The following EHD2 variants were observed in gnomAD, a reference collection of about 807,000 sequenced individuals.
The protein encoded by EHD2 is EH domain-containing protein 2.
A neutral mutation model predicts 41.0 loss-of-function variants in EHD2; 27 were observed. The ratio of observed to expected loss-of-function variants is 0.66; its 90% CI spans 0.49 to 0.91. EHD2 has a LOEUF of 0.91. Ranked by LOEUF, EHD2 falls within the 40% of genes least tolerant of loss-of-function variation. The pLI, the probability that EHD2 is intolerant of heterozygous loss-of-function variation, is 0.00. For missense variants in EHD2, 673 were observed against 773.9 expected (o/e 0.87, Z 1.55); for synonymous variants, 342 against 341.0 (o/e 1.00, Z -0.03).
intron 4 of EHD2, among the ~76,000 whole-genome samples, chr19:47,733,445 G>A (rs112699178): frequency 0.033 from 5,029 of 151,864 alleles, 286 homozygotes; most frequent in African/African-American, 0.11. Context: ...AGACTGAGGC[G>A]GGCGGATCAC....
intron 5 of EHD2, among the ~76,000 whole-genome samples, chr19:47,737,126 G>C (rs1022982057): frequency 1.3e-5 from 2 of 151,704 alleles, no homozygotes; most frequent in African/African-American, 4.8e-5. Flanking sequence ...AGCTACTCGG[G>C]AGGCTGAGGC....
At position 47,725,850 on chromosome 19, in the gene EHD2, C is replaced by A. The variant is rs779463819; in HGVS notation, c.541C>A (p.Arg181Ser). Residue 181 changes from arginine (R) to serine (S), a missense_variant, in exon 4 of 6, where the codon CGC (arginine) becomes AGC (serine). Coordinates refer to ENST00000263277, the MANE Select transcript of EHD2 (RefSeq NM_014601.4). ...FPAVLRWFAE[R>S]VDLIILLFDA... Reference sequence around the variant, plus strand: ...GGCCGTGCTGCGCTGGTTCGCGGAGCGCGTGGACCTCATCATCCTGCTCTT... The same window carrying A: ...GGCCGTGCTGCGCTGGTTCGCGGAGAGCGTGGACCTCATCATCCTGCTCTT... 1.1e-5 allele frequency: 18 copies of A among 1,602,384 alleles called. No homozygotes were observed. The highest frequency in any genetic ancestry group is 1.5e-5 in the Non-Finnish European group (17 of 1,170,868).
At chr19:47,737,579 C>T (rs1413166285) in intron 5 of EHD2, among the ~76,000 whole-genome samples, 2 of 151,906 alleles carry the variant, frequency 1.3e-5, no homozygotes, top group Non-Finnish European at 1.5e-5. Flanking sequence ...ATCCCTTGAA[C>T]CCGGGAGGCA....
At chr19:47,731,271 A>ATAT (rs1973804912) in intron 4 of EHD2, 1 of 25,140 alleles carries the variant, frequency 4.0e-5, no homozygotes, top group African/African-American at 1.3e-4. Context: ...ATTCTTTAAA[A>ATAT]AAAAAAAAAT....
At position 47,736,397 on chromosome 19, in the gene EHD2, A is replaced by G. The variant is rs756102458; in HGVS notation, c.944A>G (p.Lys315Arg). 3.1e-6 allele frequency: 5 copies of G among 1,613,228 alleles called. No individual in the cohort carries two copies. In the East Asian group the frequency reaches 1.1e-4, roughly 36 times the overall value. ...RVHAYIISYL[K>R]KEMPSVFGKE... is the part of the protein sequence containing the mutation. ...CACGCTTACATCATCAGCTACCTGA[A>G]GAAGGAGATGCCCTCTGTGTTTGGG... is the stretch of plus-strand genomic sequence containing the variant. Residue 315 changes from lysine (K) to arginine (R), a missense_variant, in exon 5 of 6, where the codon AAG becomes AGG. Physicochemically the swap from Lys to Arg is conservative, Grantham distance 26. Transcript: ENST00000263277.
In EHD2 at chr19:47,740,973, C is replaced by T; in HGVS notation, c.1173C>T (p.Ala391=). ...ACGAGATGCTGACGCACGACATCGC[C>T]AAGCTCATGCCCCTGCTGCGGCAGG... ...ALDEMLTHDI[A]KLMPLLRQEE... is the part of the protein sequence containing the mutation. The change falls in exon 6 of 6, where the codon GCC becomes GCT. Residue 391 remains alanine, a synonymous_variant. Coordinates refer to ENST00000263277, the MANE Select transcript of EHD2 (RefSeq NM_014601.4). 6.2e-7 allele frequency: 1 copy of T among 1,612,384 alleles called. No individual in the cohort carries two copies.
rs1051247780 is a variant in EHD2 at position 47,740,522 on chromosome 19, C to T, written c.1081-359C>T. Among the ~76,000 whole-genome samples, 13 of 149,888 alleles carry T rather than the reference C, an allele frequency of 8.7e-5. 1 individual carries two copies. In the East Asian group the frequency reaches 1.8e-3, roughly 21 times the overall value. On this transcript the variant is annotated intron_variant, in intron 5 of 5. Transcript: ENST00000263277. ...CCCAGCATTGGGAGGCTGAGGCGGGCGAATCATGAGGTCAGGAGTTCGAGA... is the reference window on the plus strand; with the variant it reads ...CCCAGCATTGGGAGGCTGAGGCGGGTGAATCATGAGGTCAGGAGTTCGAGA...
intron 4 of EHD2, 33 bp downstream of exon 4, chr19:47,726,257 TGGA>T (rs1973751505): frequency 2.1e-6 from 3 of 1,456,442 alleles, no homozygotes; most frequent in Non-Finnish European, 2.7e-6. Flanking sequence ...CGCGCATTCT[TGGA>T]GGAGGTTTCC....
Position 47,731,279 on chromosome 19 carries a change from A to AATATATATATATATGT in EHD2, c.915+5069_915+5070insGTATATATATATATAT, listed in dbSNP as rs1973807739. The stretch of plus-strand genomic sequence containing the variant: ...ATTTGTGATTCTTTAAAAAAAAAAA[A>AATATATATATATATGT]ATATATATATATATATATATATACA... On this transcript the variant is annotated intron_variant, in intron 4 of 5. Coordinates refer to ENST00000263277, the MANE Select transcript of EHD2 (RefSeq NM_014601.4). 3.8e-4 allele frequency: 23 copies of AATATATATATATATGT among 60,928 alleles called. 1 individual carries two copies. The highest frequency in any genetic ancestry group is 9.4e-4 in the Admixed American group (5 of 5,310). The allele number at this position is 60,928 out of a possible 1,614,324, so 3.8% of individuals were successfully genotyped here.
Position 47,735,787 on chromosome 19 carries a change from T to C in EHD2, c.916-582T>C, listed in dbSNP as rs1599901655. The stretch of plus-strand genomic sequence containing the variant: ...GGGTGTGGTGGCGCATGCCTGTTAA[T>C]CCCAACTACTTGGGAGGCTGAGGCA... On this transcript the variant is annotated intron_variant, in intron 4 of 5. Transcript: ENST00000263277. Among the ~76,000 whole-genome samples, 3 of 151,054 alleles carry C rather than the reference T, an allele frequency of 2.0e-5. No homozygotes were observed. The East Asian group carries it at 5.9e-4, about 30-fold the overall frequency.
intron 4 of EHD2, among the ~76,000 whole-genome samples, chr19:47,727,491 T>A (rs1973764451): frequency 6.6e-6 from 1 of 152,112 alleles, no homozygotes; most frequent in Admixed American, 6.6e-5. Context: ...GCTCATCTTT[T>A]TTTAAATTTA....
At chr19:47,739,172 G>A (rs1178000599) in intron 5 of EHD2, among the ~76,000 whole-genome samples, 2 of 151,436 alleles carry the variant, frequency 1.3e-5, no homozygotes, top group African/African-American at 2.4e-5. Context: ...TGCTATCTTC[G>A]CTCACTGCAA....
intron 4 of EHD2, among the ~76,000 whole-genome samples, chr19:47,735,480 C>T (rs973622342): frequency 2.6e-5 from 4 of 152,182 alleles, no homozygotes; most frequent in Admixed American, 6.6e-5. Flanking sequence ...TGCCTGTAAT[C>T]CCAGCTACTT....
At chr19:47,731,279 A>AAAAAAAAAAAAAAAAAATTATATATAT in intron 4 of EHD2, 8 of 60,932 alleles carry the variant, frequency 1.3e-4, no homozygotes, top group African/African-American at 3.9e-4. Context: ...AAAAAAAAAA[A>AAAAAAAAAAAAAAAAAATTATATATAT]ATATATATAT....
Position 47,731,279 on chromosome 19 carries a change from A to AAAATATATAT in EHD2, c.915+5056_915+5057insAATATATATA. On this transcript the variant is annotated intron_variant, in intron 4 of 5. Coordinates refer to ENST00000263277, the MANE Select transcript of EHD2 (RefSeq NM_014601.4). The stretch of plus-strand genomic sequence containing the variant: ...ATTTGTGATTCTTTAAAAAAAAAAA[A>AAAATATATAT]ATATATATATATATATATATATACA... 40 of 60,924 alleles carry AAAATATATAT rather than the reference A, an allele frequency of 6.6e-4. 2 individuals are homozygous for AAAATATATAT. Among genetic ancestry groups the AAAATATATAT allele is most frequent in the African/African-American group, 1.8e-3 (37 of 20,470 alleles). The allele number at this position is 60,924 out of a possible 1,614,324, so 3.8% of individuals were successfully genotyped here.
At chr19:47,728,100 TAA>T (rs10672064) in intron 4 of EHD2, among the ~76,000 whole-genome samples, 28 of 134,358 alleles carry the variant, frequency 2.1e-4, no homozygotes, top group Non-Finnish European at 2.7e-4. Flanking sequence ...TGTCTCAAAA[TAA>T]AAAAAAAAAA....
chr19:47,714,157 C>A (rs1973601629), intron 1 of EHD2, among the ~76,000 whole-genome samples: 1 of 152,150 alleles, frequency 6.6e-6, no homozygotes, highest in Non-Finnish European at 1.5e-5. Context: ...TTTTGATGCT[C>A]AAATTGCCCC....
chr19:47,719,413 G>C lies in EHD2; in HGVS notation c.502+807G>C, dbSNP rs1270619302. ...AGGCCAGGCCTGGAATTTATAAACA[G>C]CTGTGCAAGGAGAGTGGCGGGGGGT... On this transcript the variant is annotated intron_variant, in intron 3 of 5. Transcript: ENST00000263277. The surrounding 1 kb of genome is among the most constrained non-coding windows in gnomAD (Gnocchi z 4.1). 6.6e-6 allele frequency among the ~76,000 whole-genome samples: 1 copy of C among 152,130 alleles called. No homozygotes were observed. The highest frequency in any genetic ancestry group is 2.4e-5 in the African/African-American group (1 of 41,416).
Position 47,719,352 on chromosome 19 carries a change from G to C in EHD2, c.502+746G>C, listed in dbSNP as rs1373096339. On this transcript the variant is annotated intron_variant, in intron 3 of 5. Transcript: ENST00000263277. This position sits in a 1 kb window ranked among gnomAD's most constrained non-coding sequence, Gnocchi z 4.1. ...CTGCGTCTGGGCCACAGATGGGGCC[G>C]AGAAGGGGATGGGAAGGGAATCTGG... 2.6e-5 allele frequency among the ~76,000 whole-genome samples: 4 copies of C among 152,252 alleles called. No homozygotes were observed. The highest frequency in any genetic ancestry group is 9.6e-5 in the African/African-American group (4 of 41,550).
Sources: gnomAD v4.1 joint callset for allele counts (sites outside exome capture counted in the v4.1 genomes callset) on GRCh38, gnomAD v4.1.1 for gene constraint, Gnocchi (gnomAD v3.1) non-coding constraint, MANE v1.5 for transcripts, NCBI Gene and HGNC (gene_info 2026-07-23, HGNC 2026-07-21) for gene names.